Variants in EVC observed in about 807,000 individuals in gnomAD.
EVC encodes the protein evC complex member EVC.
A neutral mutation model predicts 118.9 loss-of-function variants in EVC; 116 were observed. That is an observed-to-expected ratio of 0.98 (90% CI 0.84 to 1.14). The LOEUF (loss-of-function observed/expected upper bound fraction) is 1.14, where lower values mean the gene tolerates loss of function less well. EVC is among the 50% of genes most tolerant of loss of function. The pLI is 0.00. For synonymous variants in EVC, 619 were observed against 534.7 expected, an observed-to-expected ratio of 1.16 and a Z score of -2.18; for missense variants, 1,401 against 1,246.4, an observed-to-expected ratio of 1.12 and a Z score of -1.87.
chr4:5,825,468 G>C, the EVC span: 4 of 1,543,810 alleles, frequency 2.6e-6, no homozygotes, highest in Non-Finnish European at 3.5e-6. The surrounding 1 kb of genome is among the most constrained non-coding windows in gnomAD (Gnocchi z 4.4). Context: ...CAATTGTGGG[G>C]AGCCTGGGCC....
chr4:5,728,173 A>G (rs1726176715), intron 2 of EVC, among the ~76,000 whole-genome samples: 2 of 152,136 alleles, frequency 1.3e-5, no homozygotes, highest in African/African-American at 2.4e-5. Context: ...CAGTATGGCC[A>G]TTTTCACGAT....
intron 11 of EVC, among the ~76,000 whole-genome samples, chr4:5,770,535 C>G (rs147659784): frequency 1.3e-5 from 2 of 152,042 alleles, no homozygotes; most frequent in African/African-American, 2.4e-5. Context: ...GCCCAAGCCT[C>G]GTAACATTCT....
intron 2 of EVC, among the ~76,000 whole-genome samples, chr4:5,720,707 G>C (rs1009020016): frequency 1.3e-5 from 2 of 152,174 alleles, no homozygotes; most frequent in Admixed American, 1.3e-4. Flanking sequence ...CAACGTGGAC[G>C]GGGGGAGAGA....
At chr4:5,814,822 T>C (rs931897748), downstream of EVC, among the ~76,000 whole-genome samples, 2 of 151,680 alleles carry the variant, frequency 1.3e-5, no homozygotes, top group South Asian at 2.1e-4. Context: ...GAGTCAGGAC[T>C]CACATCTCCA....
intron 11 of EVC, among the ~76,000 whole-genome samples, chr4:5,759,669 A>T (rs1343542509): frequency 6.6e-6 from 1 of 152,234 alleles, no homozygotes; most frequent in East Asian, 1.9e-4. Context: ...TCACAATTAC[A>T]CAACCAGGCT....
chr4:5,783,484 A>C, intron 11 of EVC, 68 bp from the exon 12 acceptor site: 1 of 1,479,126 alleles, frequency 6.8e-7, no homozygotes, highest in Non-Finnish European at 9.5e-7. Flanking sequence ...GGAGAGGCAG[A>C]GAGCAGCTCA....
chr4:5,797,493 C>G (rs892070206), intron 14 of EVC: 99 of 568,636 alleles, frequency 1.7e-4, no homozygotes, highest in Admixed American at 1.7e-3. Flanking sequence ...AGACCGCACT[C>G]CCTGGCTTGT....
intron 11 of EVC, among the ~76,000 whole-genome samples, chr4:5,766,234 C>T (rs1358057086): frequency 6.6e-6 from 1 of 151,736 alleles, no homozygotes; most frequent in Non-Finnish European, 1.5e-5. Flanking sequence ...TATTGGCCCC[C>T]ACTCTCTTCT....
intron 11 of EVC, among the ~76,000 whole-genome samples, chr4:5,781,032 A>G (rs1336536834): frequency 6.6e-6 from 1 of 152,226 alleles, no homozygotes; most frequent in Non-Finnish European, 1.5e-5. Flanking sequence ...TGTTGGGATC[A>G]GTCATACGGG....
At chr4:5,724,885 C>G (rs1725565206) in intron 2 of EVC, among the ~76,000 whole-genome samples, 1 of 152,038 alleles carries the variant, frequency 6.6e-6, no homozygotes, top group South Asian at 2.1e-4. Context: ...CCCCTCGCCC[C>G]CGACAGGCCC....
intron 5 of EVC, among the ~76,000 whole-genome samples, chr4:5,735,695 C>A (rs1727553309): frequency 6.6e-6 from 1 of 152,150 alleles, no homozygotes. Flanking sequence ...GTCACTTGCC[C>A]AAAGTCACAC....
At chr4:5,774,843 A>G (rs987799466) in intron 11 of EVC, among the ~76,000 whole-genome samples, 3 of 152,100 alleles carry the variant, frequency 2.0e-5, no homozygotes, top group Non-Finnish European at 2.9e-5. Flanking sequence ...TTCTGGTTCT[A>G]TTTCAGGCAC....
At chr4:5,745,400 G>A in intron 7 of EVC, 59 bp downstream of exon 7, 1 of 1,579,508 alleles carries the variant, frequency 6.3e-7, no homozygotes, top group Non-Finnish European at 8.7e-7. Flanking sequence ...AGTTAAATTG[G>A]CTACATTAGA....
chr4:5,748,703 T>TCCATCCATCCATCCAC (rs1729840024), intron 8 of EVC, among the ~76,000 whole-genome samples: 1 of 83,216 alleles, frequency 1.2e-5, no homozygotes, highest in Non-Finnish European at 2.2e-5. Flanking sequence ...CATCCACCCG[T>TCCATCCATCCATCCAC]CCACCCATCC....
rs77103703 is a variant in EVC at position 5,720,843 on chromosome 4, T to G, written c.300+1470T>G. ...TGGGCATCTGCTAGGTGTAGCTAAA[T>G]AGTGAACAGGTAAGACATTACTAGG... On this transcript the variant is annotated intron_variant, in intron 2 of 20. Transcript: ENST00000264956. Among the ~76,000 whole-genome samples, 45 of 152,236 alleles carry G rather than the reference T, an allele frequency of 3.0e-4. No homozygotes were observed. The East Asian group carries it at 5.0e-3, about 17-fold the overall frequency.
At chr4:5,788,508 T>C (rs1712135683) in intron 12 of EVC, among the ~76,000 whole-genome samples, 1 of 152,218 alleles carries the variant, frequency 6.6e-6, no homozygotes, top group South Asian at 2.1e-4. Context: ...ACATGAGAAA[T>C]GGGTGTGTCA....
chr4:5,783,675 G>T lies in EVC; in HGVS notation c.1687G>T (p.Glu563Ter), dbSNP rs539010490. Residue 563 changes from glutamate (E) to a stop codon, truncating the protein, a stop_gained, in exon 12 of 21, where the codon GAG becomes TAG. Transcript: ENST00000264956. LOFTEE classifies it high-confidence loss of function. ...TGACTACTTGAGGCAGGAAGTCCAG[G>T]AGAACGCTGCCTGGCAGCTGGGGAA... Reference protein sequence around the residue: ...ECDYLRQEVQENAAWQLGKSN... With the variant: ...ECDYLRQEVQ 1 of 1,614,178 alleles carries T rather than the reference G, an allele frequency of 6.2e-7. No individual in the cohort carries two copies.
the EVC span, among the ~76,000 whole-genome samples, chr4:5,823,034 T>G: frequency 6.6e-6 from 1 of 152,208 alleles, no homozygotes; most frequent in African/African-American, 2.4e-5. Context: ...ACAACTGTCT[T>G]GGTGAATTTT....
chr4:5,774,739 G>T (rs1409387638), intron 11 of EVC, among the ~76,000 whole-genome samples: 1 of 152,094 alleles, frequency 6.6e-6, no homozygotes, highest in Non-Finnish European at 1.5e-5. Flanking sequence ...CTAAGCTTGG[G>T]GGATGAGGCT....
Sources: allele counts gnomAD v4.1 joint callset (sites outside exome capture counted in the v4.1 genomes callset), GRCh38; gene constraint gnomAD v4.1.1; non-coding constraint Gnocchi (gnomAD v3.1); transcripts MANE v1.5; gene names NCBI Gene and HGNC (gene_info 2026-07-23, HGNC 2026-07-21).